NEBL: variants seen among roughly 807,000 people sequenced by gnomAD.
NEBL encodes nebulette, also known as LIM and SH3 protein 2.
A neutral mutation model predicts 140.2 loss-of-function variants in NEBL; 122 were observed. That is an observed-to-expected ratio of 0.87 (90% CI 0.75 to 1.01). The LOEUF (loss-of-function observed/expected upper bound fraction) is 1.01. NEBL is among the 50% of genes least tolerant of loss of function. The pLI, the probability that NEBL is intolerant of heterozygous loss-of-function variation, is 0.00. For missense variants in NEBL, 1,365 were observed against 1,231.3 expected, an observed-to-expected ratio of 1.11 and a Z score of -1.62; for synonymous variants, 436 against 398.9, an observed-to-expected ratio of 1.09 and a Z score of -1.11.
intron 2 of NEBL, among the ~76,000 whole-genome samples, chr10:21,137,958 G>GAAGGT (rs1839431889): frequency 6.6e-6 from 1 of 151,232 alleles, no homozygotes; most frequent in African/African-American, 2.4e-5. Context: ...GAAGGGAAGG[G>GAAGGT]AAGGGAATGG....
chr10:20,915,345 G>A (rs1443286563), intron 4 of NEBL, among the ~76,000 whole-genome samples: 1 of 150,614 alleles, frequency 6.6e-6, no homozygotes, highest in African/African-American at 2.4e-5. Context: ...ATGCTGGTGC[G>A]CTGCACCCAC....
At chr10:21,065,065 G>A (rs186693421) in intron 2 of NEBL, among the ~76,000 whole-genome samples, 7 of 152,226 alleles carry the variant, frequency 4.6e-5, no homozygotes, top group East Asian at 1.9e-4. Context: ...ATGAGGCATC[G>A]TGACCTTTTA....
chr10:20,970,275 T>C (rs1836511312), intron 3 of NEBL, among the ~76,000 whole-genome samples: 2 of 152,196 alleles, frequency 1.3e-5, no homozygotes, highest in South Asian at 4.1e-4. Flanking sequence ...TAACTCAACA[T>C]CCTGCCCCAT....
At chr10:21,070,301 T>C (rs552014336) in intron 2 of NEBL, among the ~76,000 whole-genome samples, 1 of 152,314 alleles carries the variant, frequency 6.6e-6, no homozygotes, top group South Asian at 2.1e-4. Flanking sequence ...AGTGGGCTTC[T>C]TTAGCTTCTG....
intron 2 of NEBL, among the ~76,000 whole-genome samples, chr10:21,124,851 C>T (rs972594973): frequency 1.3e-5 from 2 of 152,180 alleles, no homozygotes; most frequent in Admixed American, 6.5e-5. Flanking sequence ...GTCCCAGCTA[C>T]TCAGGAGACT....
chr10:20,906,486 A>C (rs556998312), intron 4 of NEBL, among the ~76,000 whole-genome samples: 1 of 152,224 alleles, frequency 6.6e-6, no homozygotes, highest in East Asian at 1.9e-4. Flanking sequence ...ATATCAAAAT[A>C]AAATTATAAT....
intron 8 of NEBL, among the ~76,000 whole-genome samples, chr10:20,859,137 T>A (rs1369424942): frequency 6.6e-6 from 1 of 152,146 alleles, no homozygotes; most frequent in African/African-American, 2.4e-5. Context: ...ATCAATTTTT[T>A]GATGTTGCTG....
chr10:20,959,505 C>G (rs1217056907), intron 4 of NEBL, among the ~76,000 whole-genome samples: 1 of 152,002 alleles, frequency 6.6e-6, no homozygotes, highest in Non-Finnish European at 1.5e-5. Flanking sequence ...TTTGGATCAA[C>G]CCAAGTTTCT....
At chr10:20,914,962 G>T (rs1848478560) in intron 4 of NEBL, among the ~76,000 whole-genome samples, 2 of 68,886 alleles carry the variant, frequency 2.9e-5, no homozygotes, top group Non-Finnish European at 3.2e-5. Context: ...CCTCCCAAGT[G>T]GCTGGGATTT....
chr10:21,280,954 A>C (rs1190765958), intron 1 of NEBL, among the ~76,000 whole-genome samples: 1 of 152,140 alleles, frequency 6.6e-6, no homozygotes, highest in Non-Finnish European at 1.5e-5. Context: ...TAACAGGAAG[A>C]AATGCATCTT....
At chr10:20,942,995 T>C (rs1834963295) in intron 4 of NEBL, among the ~76,000 whole-genome samples, 1 of 152,238 alleles carries the variant, frequency 6.6e-6, no homozygotes. Flanking sequence ...TTGGTGGGAC[T>C]GTAAACTAGT....
chr10:21,134,501 T>A (rs1398781055), intron 2 of NEBL, among the ~76,000 whole-genome samples: 4 of 152,210 alleles, frequency 2.6e-5, no homozygotes, highest in African/African-American at 9.7e-5. Flanking sequence ...TAGAAGACAC[T>A]ATTCAATCAT....
intron 26 of NEBL, 151 bp downstream of exon 26, chr10:20,808,359 A>C: frequency 1.2e-6 from 1 of 837,546 alleles, no homozygotes; most frequent in South Asian, 1.8e-5. Flanking sequence ...TAAAAAAAAA[A>C]AAAGACTATT....
chr10:20,897,427 T>A (rs970852259), upstream of NEBL: 2 of 1,265,558 alleles, frequency 1.6e-6, no homozygotes, highest in African/African-American at 3.1e-5. Flanking sequence ...CAAGTGGAAA[T>A]AACATATTCT....
intron 7 of NEBL, chr10:20,868,463 G>C: frequency 1.8e-6 from 1 of 560,678 alleles, no homozygotes; most frequent in Non-Finnish European, 3.2e-6. Flanking sequence ...AGAAAACTTT[G>C]TTTTATGCTT....
chr10:21,055,500 C>T (rs1351337642), intron 2 of NEBL, among the ~76,000 whole-genome samples: 1 of 152,054 alleles, frequency 6.6e-6, no homozygotes, highest in African/African-American at 2.4e-5. Context: ...AATGAAAACC[C>T]ACCCACCTGT....
intron 11 of NEBL, among the ~76,000 whole-genome samples, chr10:20,847,665 G>A (rs1395360893): frequency 6.6e-6 from 1 of 152,084 alleles, no homozygotes; most frequent in Non-Finnish European, 1.5e-5. Flanking sequence ...CTAGAAGGAG[G>A]TCCAGCCTGA....
At chr10:21,092,941 G>A (rs2131968834) in intron 2 of NEBL, among the ~76,000 whole-genome samples, 1 of 152,164 alleles carries the variant, frequency 6.6e-6, no homozygotes. Flanking sequence ...GGAACTTTCA[G>A]TAGCTAGCCC....
chr10:21,030,288 A>G, intron 2 of NEBL: 1 of 643,238 alleles, frequency 1.6e-6, no homozygotes, highest in South Asian at 1.6e-5. Flanking sequence ...GAAGAAACTC[A>G]GGAACTGGAA....
Sources: gnomAD v4.1 joint callset for allele counts (sites outside exome capture counted in the v4.1 genomes callset) on GRCh38, gnomAD v4.1.1 for gene constraint, MANE v1.5 for transcripts, NCBI Gene and HGNC (gene_info 2026-07-23, HGNC 2026-07-21) for gene names.